B4GALNT2: variants seen among roughly 807,000 people sequenced by gnomAD.
B4GALNT2 encodes the protein beta-1,4-N-acetyl-galactosaminyltransferase 2 (SID blood group), also known as N-acetylneuraminylgalactosylglucosyl-glucoside beta-1,4-N- acetylgalactosaminyltransferase 2.
A neutral mutation model predicts 51.1 loss-of-function variants in B4GALNT2; 42 were observed. The ratio of observed to expected loss-of-function variants is 0.82; its 90% confidence interval spans 0.64 to 1.06. The LOEUF is 1.06. Ranked by LOEUF, B4GALNT2 falls within the 50% of genes least tolerant of loss-of-function variation. The probability of loss-of-function intolerance (pLI) is 0.00; values close to 1 mark genes in which losing one functional copy is unlikely to be tolerated. For missense variants in B4GALNT2, 602 were observed against 633.6 expected, an observed-to-expected ratio of 0.95 and a Z score of 0.54; for synonymous variants, 253 against 251.7, an observed-to-expected ratio of 1.01 and a Z score of -0.05.
At chr17:49,128,546 T>G (rs2042521925), upstream of B4GALNT2, among the ~76,000 whole-genome samples, 1 of 152,092 alleles carries the variant, frequency 6.6e-6, no homozygotes, top group Non-Finnish European at 1.5e-5. Flanking sequence ...GGGTGCAAGC[T>G]TGAGACAGAG....
intron 1 of B4GALNT2, among the ~76,000 whole-genome samples, chr17:49,139,459 C>T (rs1191506382): frequency 1.3e-5 from 2 of 152,164 alleles, no homozygotes; most frequent in Admixed American, 1.3e-4. Flanking sequence ...CTCCTGAGCT[C>T]AAGCGATCCG....
At chr17:49,128,589 C>T (rs1046641470), upstream of B4GALNT2, among the ~76,000 whole-genome samples, 1 of 152,120 alleles carries the variant, frequency 6.6e-6, no homozygotes, top group Non-Finnish European at 1.5e-5. Flanking sequence ...GAAAGCCTGG[C>T]CTGAATAGAG....
chr17:49,131,846 A>G (rs1337647384), upstream of B4GALNT2, among the ~76,000 whole-genome samples: 1 of 151,978 alleles, frequency 6.6e-6, no homozygotes, highest in African/African-American at 2.4e-5. Flanking sequence ...ATATTTAAAG[A>G]TTCTTGCCGG....
chr17:49,132,919 G>T, intron 1 of B4GALNT2, 113 bp downstream of exon 1: 1 of 1,378,144 alleles, frequency 7.3e-7, no homozygotes, highest in South Asian at 1.8e-5. Context: ...GCAGACGCCG[G>T]AGCCAGGGAG....
rs1283596712 is a variant in B4GALNT2, at chr17:49,164,132, C to G, written c.811C>G (p.Leu271Val). ...GGTTACCATTGCTACCAAGACTTTC[C>G]TCCGCCCCCACAAGCTCATGATCAT... ...NLVTIATKTF[L>V]RPHKLMIMLR... is the part of the protein sequence containing the mutation. Residue 271 changes from leucine (L) to valine (V), a missense_variant, in exon 8 of 11, where the codon CTC becomes GTC. Physicochemically the swap from Leu to Val is conservative, Grantham distance 32 (BLOSUM62 1). Coordinates refer to ENST00000393354, the MANE Select transcript of B4GALNT2 (RefSeq NM_001159387.2). 1.2e-6 allele frequency: 2 copies of G among 1,614,110 alleles called. No individual in the cohort carries two copies. Among genetic ancestry groups the G allele is most frequent in the South Asian group, 2.2e-5 (2 of 91,074 alleles).
At chr17:49,136,518 G>GTTTGTTTA (rs1004322140) in intron 1 of B4GALNT2, among the ~76,000 whole-genome samples, 16 of 148,424 alleles carry the variant, frequency 1.1e-4, no homozygotes, top group Admixed American at 5.4e-4. Flanking sequence ...TCACATTAGA[G>GTTTGTTTA]TTTATTTATT....
rs552267719 is a variant in B4GALNT2 at position 49,164,246 on chromosome 17, G to T, written c.925G>T (p.Val309Leu). 2 of 1,613,060 alleles carry T rather than the reference G, an allele frequency of 1.2e-6. No individual in the cohort carries two copies. The highest frequency in any genetic ancestry group is 1.1e-5 in the South Asian group (1 of 91,058). ...QKPLEIKDNH[V>L]EYYTMPFGKG... ...GCCCCTGGAAATTAAAGACAATCAC[G>T]TGGAGTATTACACTATGCCCTTTGG... The change falls in exon 8 of 11, where the codon GTG becomes TTG. Residue 309 changes from valine (V) to leucine (L), a missense_variant. Transcript: ENST00000393354.
chr17:49,144,337 C>T (rs1178104100), intron 3 of B4GALNT2, among the ~76,000 whole-genome samples: 2 of 152,198 alleles, frequency 1.3e-5, no homozygotes, highest in Non-Finnish European at 2.9e-5. Context: ...CTCCAAATTA[C>T]ATGCAAGTGG....
At chr17:49,160,479 G>A (rs2042853046) in intron 6 of B4GALNT2, 76 bp from the exon 7 acceptor site, 1 of 1,384,144 alleles carries the variant, frequency 7.2e-7, no homozygotes, top group Admixed American at 1.7e-5. Flanking sequence ...CGCCTGTCAT[G>A]GTGGCTTCCC....
At chr17:49,168,354 T>C (rs1329743090) in intron 9 of B4GALNT2, among the ~76,000 whole-genome samples, 1 of 152,198 alleles carries the variant, frequency 6.6e-6, no homozygotes, top group Non-Finnish European at 1.5e-5. Flanking sequence ...GCCTCTTACC[T>C]GTACTGCAGT....
Position 49,174,385 on chromosome 17 carries a change from G to T in B4GALNT2, c.*4657G>T, listed in dbSNP as rs984766917. ...AGTGAAAATGCTTAGCAGGCTGCAG[G>T]TTGTTTACTGCAGGAATTGTAAATG... On this transcript the variant is annotated 3_prime_UTR_variant, in exon 11 of 11. Coordinates refer to ENST00000393354, the MANE Select transcript of B4GALNT2 (RefSeq NM_001159387.2). 5.9e-5 allele frequency: 9 copies of T among 152,184 alleles called. No individual in the cohort carries two copies. The highest frequency in any genetic ancestry group is 2.2e-4 in the African/African-American group (9 of 41,434). The allele number at this position is 152,184 out of a possible 1,614,324, so 9.4% of individuals were successfully genotyped here.
At chr17:49,133,647 T>G (rs2042561799) in intron 1 of B4GALNT2, among the ~76,000 whole-genome samples, 1 of 152,190 alleles carries the variant, frequency 6.6e-6, no homozygotes, top group South Asian at 2.1e-4. Flanking sequence ...GCGCAGTGGC[T>G]CTCATCTGTA....
rs1416798869 is a variant in B4GALNT2 at position 49,147,366 on chromosome 17, TTTTC to T, written c.353+5206_353+5209del. 3.2e-3 allele frequency among the ~76,000 whole-genome samples: 479 copies of T among 148,760 alleles called. 8 individuals are homozygous for T. Among genetic ancestry groups the T allele is most frequent in the Non-Finnish European group, 5.7e-3 (383 of 67,504 alleles). ...TGTTTTCTTTTTCTTTATTCTTTTCTTTTCTTTCTTTCTTTTTTTTTTTTTTGAG... is the reference window on the plus strand; with the variant it reads ...TGTTTTCTTTTTCTTTATTCTTTTCTTTTCTTTCTTTTTTTTTTTTTTGAG... On this transcript the variant is annotated intron_variant, in intron 3 of 10. Transcript: ENST00000393354.
the B4GALNT2 span, among the ~76,000 whole-genome samples, chr17:49,125,906 C>T: frequency 8.7e-5 from 13 of 149,228 alleles, no homozygotes; most frequent in Admixed American, 6.6e-4. Flanking sequence ...CGACCAGCCG[C>T]ACCGTCTGGG....
intron 1 of B4GALNT2, among the ~76,000 whole-genome samples, chr17:49,136,472 T>A (rs954986036): frequency 3.3e-5 from 5 of 151,874 alleles, no homozygotes; most frequent in East Asian, 1.9e-4. Flanking sequence ...TTGATTTTTT[T>A]AAAAGGTGCC....
intron 1 of B4GALNT2, among the ~76,000 whole-genome samples, chr17:49,138,954 T>A (rs1368528041): frequency 6.6e-6 from 1 of 152,168 alleles, no homozygotes; most frequent in Non-Finnish European, 1.5e-5. Flanking sequence ...GAGGATTAAA[T>A]GAGATAATGC....
At chr17:49,132,898 G>GT (rs558855973) in intron 1 of B4GALNT2, 92 bp downstream of exon 1, 2 of 1,379,328 alleles carry the variant, frequency 1.4e-6, no homozygotes, top group South Asian at 3.6e-5. Context: ...GAGCGGGCAG[G>GT]TGCTGGGGAC....
chr17:49,150,375 G>T (rs1218588066), intron 3 of B4GALNT2, among the ~76,000 whole-genome samples: 1 of 152,092 alleles, frequency 6.6e-6, no homozygotes, highest in African/African-American at 2.4e-5. Context: ...ACCCCTACTG[G>T]GAAGTGAGGA....
intron 1 of B4GALNT2, among the ~76,000 whole-genome samples, chr17:49,139,359 C>T (rs547615690): frequency 3.3e-5 from 5 of 152,266 alleles, no homozygotes; most frequent in African/African-American, 1.2e-4. Context: ...CCACCTCAGC[C>T]TCCCAAGTAG....
Sources: gnomAD v4.1 joint callset for allele counts (sites outside exome capture counted in the v4.1 genomes callset) on GRCh38, gnomAD v4.1.1 for gene constraint, MANE v1.5 for transcripts, NCBI Gene and HGNC (gene_info 2026-07-23, HGNC 2026-07-21) for gene names.